Variants in DLGAP1 observed in about 807,000 individuals in gnomAD.
DLGAP1 encodes disks large-associated protein 1.
DLGAP1 carries 11 observed loss-of-function variants against 90.8 expected under a neutral mutation model. The observed-to-expected ratio is 0.12, with a 90% CI of 0.08 to 0.20. The LOEUF is 0.20. Among genes scored for constraint, DLGAP1 ranks in the 10% least tolerant of loss-of-function variants. DLGAP1 has a pLI of 1.00. For synonymous variants in DLGAP1, 558 were observed against 540.7 expected, an observed-to-expected ratio of 1.03 and a Z score of -0.44; for missense variants, 1,050 against 1,333.8, an observed-to-expected ratio of 0.79 and a Z score of 3.31.
At chr18:3,786,305 C>T (rs1308194120) in intron 5 of DLGAP1, among the ~76,000 whole-genome samples, 1 of 152,084 alleles carries the variant, frequency 6.6e-6, no homozygotes, top group Non-Finnish European at 1.5e-5. Flanking sequence ...TATTTTGCAC[C>T]AAATGCTCCC....
In DLGAP1 at chr18:3,879,851, C is replaced by T; in HGVS notation, c.218G>A (p.Arg73Lys). The T allele has an allele frequency of 6.2e-7, 1 of 1,610,030 alleles. No individual in the cohort carries two copies. The highest frequency in any genetic ancestry group is 2.2e-5 in the East Asian group (1 of 44,856). The change falls in exon 4 of 13, where the codon AGG becomes AAG. Residue 73 changes from arginine (R) to lysine (K), a missense_variant. Arg to Lys is a conservative substitution (Grantham distance 26). Transcript: ENST00000315677. This position sits in a 1 kb window ranked among gnomAD's most constrained non-coding sequence, Gnocchi z 6.6. ...DPLASSTFPRRHYTSQQELKD... is the reference protein window; with the variant it reads ...DPLASSTFPRKHYTSQQELKD... ...CAGCTCTTGCTGCGAGGTGTAGTGC[C>T]TGCGGGGGAAGGTGCTGCTGGCCAG...
chr18:3,824,891 T>C (rs1431965881), intron 4 of DLGAP1, among the ~76,000 whole-genome samples: 1 of 152,202 alleles, frequency 6.6e-6, no homozygotes, highest in Admixed American at 6.5e-5. Flanking sequence ...TCAAACCACA[T>C]GCATCTAGTT....
chr18:3,533,954 C>T (rs182836260), intron 10 of DLGAP1, among the ~76,000 whole-genome samples: 20 of 152,196 alleles, frequency 1.3e-4, no homozygotes, highest in Admixed American at 7.9e-4. Context: ...AGAAAAAGAA[C>T]GTCATGGGCC....
rs187246451 is a variant in DLGAP1, at chr18:3,565,305, C to G, written c.2057+2185G>C. Among the ~76,000 whole-genome samples, 1 of 152,000 alleles carries G rather than the reference C, an allele frequency of 6.6e-6. No individual in the cohort carries two copies. The highest frequency in any genetic ancestry group is 1.5e-5 in the Non-Finnish European group (1 of 68,010). ...CTGGGATTACAGGAACCCACCACCA[C>G]GCACAGCTAATTTTTGTAATTTTTT... On this transcript the variant is annotated intron_variant, in intron 9 of 12. Coordinates refer to ENST00000315677, the MANE Select transcript of DLGAP1 (RefSeq NM_004746.4). The surrounding 1 kb of genome is among the most constrained non-coding windows in gnomAD (Gnocchi z 4.0).
chr18:4,382,499 T>G (rs2082147534), intron 1 of DLGAP1, among the ~76,000 whole-genome samples: 1 of 151,934 alleles, frequency 6.6e-6, no homozygotes, highest in Non-Finnish European at 1.5e-5. Flanking sequence ...TTTTTTTTTT[T>G]TTTTTAAGTA....
chr18:3,788,423 C>T (rs1029000585), intron 5 of DLGAP1, among the ~76,000 whole-genome samples: 16 of 152,180 alleles, frequency 1.1e-4, no homozygotes, highest in Non-Finnish European at 2.9e-5. Context: ...TTTTCACTAA[C>T]CTGCCCTGCC....
chr18:4,163,665 A>G lies in DLGAP1; in HGVS notation c.-266-12378T>C, dbSNP rs190704106. Among the ~76,000 whole-genome samples, 7 of 152,320 alleles carry G rather than the reference A, an allele frequency of 4.6e-5. No individual in the cohort carries two copies. The East Asian group carries it at 1.3e-3, about 29-fold the overall frequency. On this transcript the variant is annotated intron_variant, in intron 1 of 12. Transcript: ENST00000315677. Reference sequence around the variant, plus strand: ...ATATAATAATTAGCTAAGACAGTCCATTCCCGAAGCAAAAACAGTGAACAG... The same window carrying G: ...ATATAATAATTAGCTAAGACAGTCCGTTCCCGAAGCAAAAACAGTGAACAG...
intron 2 of DLGAP1, among the ~76,000 whole-genome samples, chr18:4,098,355 T>A (rs992462646): frequency 6.6e-6 from 1 of 152,104 alleles, no homozygotes; most frequent in Non-Finnish European, 1.5e-5. Context: ...AATAAATCAA[T>A]CAACAAATAT....
At position 3,775,112 on chromosome 18, in the gene DLGAP1, T is replaced by C. The variant is rs762029996; in HGVS notation, c.1173-32600A>G. Among the ~76,000 whole-genome samples, 43 of 152,196 alleles carry C rather than the reference T, an allele frequency of 2.8e-4. No individual in the cohort carries two copies. Among genetic ancestry groups the C allele is most frequent in the African/African-American group, 4.6e-4 (19 of 41,460 alleles). On this transcript the variant is annotated intron_variant, in intron 5 of 12. Coordinates refer to ENST00000315677, the MANE Select transcript of DLGAP1 (RefSeq NM_004746.4). The surrounding 1 kb of genome is among the most constrained non-coding windows in gnomAD (Gnocchi z 4.9). Reference sequence around the variant, plus strand: ...GGTCACTGTGTGTTCTTTAAGCCCATTGAACTCTCCTAAAAATCATTTAGT... The same window carrying C: ...GGTCACTGTGTGTTCTTTAAGCCCACTGAACTCTCCTAAAAATCATTTAGT...
At chr18:4,418,532 T>C (rs2082955795) in intron 1 of DLGAP1, among the ~76,000 whole-genome samples, 1 of 152,076 alleles carries the variant, frequency 6.6e-6, no homozygotes, top group South Asian at 2.1e-4. Context: ...CAAATGAAAA[T>C]GTTAGAACTG....
At chr18:4,208,117 G>C (rs2077758720) in intron 1 of DLGAP1, among the ~76,000 whole-genome samples, 1 of 152,164 alleles carries the variant, frequency 6.6e-6, no homozygotes, top group South Asian at 2.1e-4. Flanking sequence ...AATGAAAATT[G>C]CTCTATTCTT....
At chr18:4,088,120 T>TTTTAAC (rs2075714326) in intron 2 of DLGAP1, among the ~76,000 whole-genome samples, 1 of 151,528 alleles carries the variant, frequency 6.6e-6, no homozygotes, top group Non-Finnish European at 1.5e-5. Flanking sequence ...CCTATTTTAA[T>TTTTAAC]TTTAAATTAA....
chr18:4,171,112 A>G (rs1317892066), intron 1 of DLGAP1, among the ~76,000 whole-genome samples: 1 of 149,218 alleles, frequency 6.7e-6, no homozygotes, highest in Non-Finnish European at 1.5e-5. Flanking sequence ...AACCAACAAT[A>G]CAACGTCTGC....
intron 3 of DLGAP1, among the ~76,000 whole-genome samples, chr18:3,979,340 CA>C (rs2149027019): frequency 6.6e-6 from 1 of 152,276 alleles, no homozygotes; most frequent in Non-Finnish European, 1.5e-5. Flanking sequence ...AGCCTAGTAG[CA>C]ATGTGCTATA....
intron 1 of DLGAP1, among the ~76,000 whole-genome samples, chr18:4,278,717 G>A (rs2079476604): frequency 6.6e-6 from 1 of 150,650 alleles, no homozygotes; most frequent in Admixed American, 6.6e-5. Context: ...GTGCATGTGT[G>A]TGTGTATATA....
At chr18:4,184,447 T>A (rs1395779936) in intron 1 of DLGAP1, among the ~76,000 whole-genome samples, 1 of 152,166 alleles carries the variant, frequency 6.6e-6, no homozygotes, top group Non-Finnish European at 1.5e-5. Flanking sequence ...TGGGCTTTGG[T>A]AGACCATAAT....
At chr18:3,909,726 T>C (rs889247624) in intron 3 of DLGAP1, among the ~76,000 whole-genome samples, 2 of 152,184 alleles carry the variant, frequency 1.3e-5, no homozygotes, top group African/African-American at 4.8e-5. Context: ...GTCTTTCCAG[T>C]GTATTGCACA....
intron 7 of DLGAP1, among the ~76,000 whole-genome samples, chr18:3,717,166 TAGAA>T (rs1177227911): frequency 6.1e-5 from 9 of 148,534 alleles, no homozygotes; most frequent in Non-Finnish European, 1.0e-4. Context: ...TAGAAAAAAA[TAGAA>T]AGAATATATG....
At chr18:3,876,339 C>T (rs903734440) in intron 4 of DLGAP1, among the ~76,000 whole-genome samples, 2 of 152,170 alleles carry the variant, frequency 1.3e-5, no homozygotes, top group Non-Finnish European at 2.9e-5. Context: ...GAGGTCTACA[C>T]TGTTTTACAT....
Sources: gnomAD v4.1 joint callset for allele counts (sites outside exome capture counted in the v4.1 genomes callset) on GRCh38, gnomAD v4.1.1 for gene constraint, Gnocchi (gnomAD v3.1) non-coding constraint, MANE v1.5 for transcripts, NCBI Gene and HGNC (gene_info 2026-07-23, HGNC 2026-07-21) for gene names.